MSH3: variants seen among roughly 807,000 people sequenced by gnomAD.
MSH3 encodes DNA mismatch repair protein Msh3.
Under a neutral mutation model 123.3 loss-of-function variants are expected in MSH3, and 106 were observed. The ratio of observed to expected loss-of-function variants is 0.86; its 90% CI spans 0.73 to 1.01. The LOEUF is 1.01. MSH3 is among the 50% of genes least tolerant of loss of function. MSH3 has a pLI of 0.00. For missense variants in MSH3, 1,459 were observed against 1,347.6 expected (o/e 1.08, Z -1.29); for synonymous variants, 515 against 481.4 (o/e 1.07, Z -0.91).
intron 19 of MSH3, among the ~76,000 whole-genome samples, chr5:80,797,161 T>C (rs972299037): frequency 6.6e-6 from 1 of 152,116 alleles, no homozygotes; most frequent in Non-Finnish European, 1.5e-5. Context: ...AGCCTTCCTT[T>C]GCCCAGCTGG....
chr5:80,794,528 A>G (rs977802621), intron 19 of MSH3, among the ~76,000 whole-genome samples: 5 of 152,188 alleles, frequency 3.3e-5, no homozygotes, highest in Non-Finnish European at 5.9e-5. Flanking sequence ...AAAAATGAAT[A>G]TGTAGGGAGT....
intron 20 of MSH3, among the ~76,000 whole-genome samples, chr5:80,829,841 C>T (rs778712765): frequency 4.5e-4 from 68 of 152,248 alleles, no homozygotes; most frequent in Non-Finnish European, 7.5e-4. Flanking sequence ...ATAGAATTCA[C>T]CAGTGAAGCC....
chr5:80,826,574 G>A (rs1745305335), intron 20 of MSH3, among the ~76,000 whole-genome samples: 1 of 149,232 alleles, frequency 6.7e-6, no homozygotes, highest in African/African-American at 2.5e-5. Flanking sequence ...TTGAGATGGA[G>A]TTTTACTCTT....
intron 17 of MSH3, among the ~76,000 whole-genome samples, chr5:80,783,348 G>A (rs1744442365): frequency 6.6e-6 from 1 of 152,106 alleles, no homozygotes; most frequent in African/African-American, 2.4e-5. Flanking sequence ...CCATTTTTCA[G>A]CTTACCATTT....
chr5:80,725,530 C>G lies in MSH3; in HGVS notation c.1418C>G (p.Thr473Arg). 1 of 1,613,838 alleles carries G rather than the reference C, an allele frequency of 6.2e-7. No homozygotes were observed. The highest frequency in any genetic ancestry group is 8.5e-7 in the Non-Finnish European group (1 of 1,179,846). Residue 473 changes from threonine to arginine, a missense_variant, in exon 9 of 24, where the codon ACA becomes AGA. Transcript: ENST00000265081. ...FEYSHAFQAV[T>R]EFYAKDTVDI... is the part of the protein sequence containing the mutation. The stretch of plus-strand genomic sequence containing the variant: ...TACAGCCATGCTTTCCAGGCAGTTA[C>G]AGAGTTTTATGCAAAAGATACAGTT...
At chr5:80,791,813 A>G (rs1265814235) in intron 18 of MSH3, among the ~76,000 whole-genome samples, 3 of 152,226 alleles carry the variant, frequency 2.0e-5, no homozygotes, top group Admixed American at 6.5e-5. Flanking sequence ...TGATGCATAC[A>G]TAAACATAAA....
At chr5:80,684,625 ATAAT>A (rs1242293378) in intron 8 of MSH3, among the ~76,000 whole-genome samples, 7 of 152,178 alleles carry the variant, frequency 4.6e-5, no homozygotes, top group African/African-American at 1.7e-4. Flanking sequence ...GCAAACAAGA[ATAAT>A]TAGACGTCCT....
intron 19 of MSH3, among the ~76,000 whole-genome samples, chr5:80,793,445 CA>C (rs1744643648): frequency 6.6e-6 from 1 of 152,196 alleles, no homozygotes; most frequent in African/African-American, 2.4e-5. Flanking sequence ...TAGTGCAATA[CA>C]GCTTAGTGCA....
chr5:80,675,524 G>A (rs1428261270), intron 7 of MSH3, among the ~76,000 whole-genome samples: 2 of 152,114 alleles, frequency 1.3e-5, no homozygotes, highest in Admixed American at 1.3e-4. Context: ...AGAGAGTGAA[G>A]GGGGAAGTGC....
At chr5:80,805,347 T>C (rs1010598145) in intron 19 of MSH3, among the ~76,000 whole-genome samples, 7 of 152,208 alleles carry the variant, frequency 4.6e-5, no homozygotes, top group Non-Finnish European at 1.0e-4. Flanking sequence ...AACTTCTCCA[T>C]ACACTTAAGT....
intron 19 of MSH3, among the ~76,000 whole-genome samples, chr5:80,812,321 T>C (rs1388226059): frequency 6.6e-6 from 1 of 152,156 alleles, no homozygotes; most frequent in Non-Finnish European, 1.5e-5. Flanking sequence ...CCTTTTGGCT[T>C]TTGTCTATCT....
chr5:80,854,201 TA>T lies in MSH3; in HGVS notation c.2887del (p.Ile963SerfsTer15), dbSNP rs1745878088. 1.2e-6 allele frequency: 2 copies of T among 1,613,784 alleles called. No individual in the cohort carries two copies. Among genetic ancestry groups the T allele is most frequent in the Non-Finnish European group, 1.7e-6 (2 of 1,179,844 alleles). On this transcript the variant is annotated frameshift_variant, in exon 21 of 24. Coordinates refer to ENST00000265081, the MANE Select transcript of MSH3 (RefSeq NM_002439.5). LOFTEE classifies it high-confidence loss of function. ...FMEELTDTAEIIRKATSQSLV... is the reference protein window; with the variant it reads ...FMEELTDTAEXIRKATSQSLV... ...GAAGAACTGACTGACACAGCAGAAA[TA>T]ATCAGAAAAGCAACATCACAGTCCT...
chr5:80,847,496 A>G (rs932581183), intron 20 of MSH3, among the ~76,000 whole-genome samples: 9 of 152,118 alleles, frequency 5.9e-5, no homozygotes, highest in African/African-American at 1.9e-4. Flanking sequence ...ATAAATATCC[A>G]GATTTTAAAT....
At chr5:80,680,460 A>T (rs568882227) in intron 8 of MSH3, among the ~76,000 whole-genome samples, 3 of 152,072 alleles carry the variant, frequency 2.0e-5, no homozygotes, top group Admixed American at 2.0e-4. Context: ...GAATTCTGTA[A>T]CCCAGAGAAA....
intron 21 of MSH3, among the ~76,000 whole-genome samples, chr5:80,860,346 T>G (rs891279761): frequency 1.3e-5 from 2 of 152,118 alleles, no homozygotes; most frequent in African/African-American, 4.8e-5. Context: ...TGGCTACAAA[T>G]CCTCAATTTT....
rs71594671 is a variant in MSH3 at position 80,729,430 on chromosome 5, A to ATGTGTGTGTGTG, written c.1568+485_1568+496dup. On this transcript the variant is annotated intron_variant, in intron 10 of 23. Coordinates refer to ENST00000265081, the MANE Select transcript of MSH3 (RefSeq NM_002439.5). Reference sequence around the variant, plus strand: ...CTCCGTCCCAAAAAAAAAAAAAAAAATGTGTGTGTGTGTGTGTGTGTGTGT... The same window carrying ATGTGTGTGTGTG: ...CTCCGTCCCAAAAAAAAAAAAAAAAATGTGTGTGTGTGTGTGTGTGTGTGTGTGTGTGTGTGT... Among the ~76,000 whole-genome samples the ATGTGTGTGTGTG allele has an allele frequency of 8.1e-3, 634 of 78,266 alleles. 8 individuals carry two copies. Among genetic ancestry groups the ATGTGTGTGTGTG allele is most frequent in the East Asian group, 0.04 (110 of 2,782 alleles). The allele number at this position is 78,266 out of a possible 152,430, so 51.3% of individuals were successfully genotyped here. A position where few individuals can be genotyped will look rare whatever the true frequency, so the allele number is the denominator to read the frequency against.
chr5:80,784,636 T>C (rs111833661), intron 17 of MSH3, among the ~76,000 whole-genome samples: 17,448 of 152,086 alleles, frequency 0.11, 1,079 homozygotes, highest in African/African-American at 0.16. Flanking sequence ...TGCTATCAAA[T>C]AGTAGGTCTT....
intron 22 of MSH3, among the ~76,000 whole-genome samples, chr5:80,872,320 A>C (rs1318312092): frequency 6.6e-6 from 1 of 151,986 alleles, no homozygotes; most frequent in Admixed American, 6.6e-5. Flanking sequence ...AAAAAAAATT[A>C]GCTAGGTGTG....
At chr5:80,795,865 G>T (rs1744691351) in intron 19 of MSH3, among the ~76,000 whole-genome samples, 1 of 152,008 alleles carries the variant, frequency 6.6e-6, no homozygotes, top group African/African-American at 2.4e-5. Context: ...ATAAAAATTA[G>T]CTGGGCATGG....
Sources: gnomAD v4.1 joint callset for allele counts (sites outside exome capture counted in the v4.1 genomes callset) on GRCh38, gnomAD v4.1.1 for gene constraint, MANE v1.5 for transcripts, NCBI Gene and HGNC (gene_info 2026-07-23, HGNC 2026-07-21) for gene names.